The following MGLL variants were observed in gnomAD, a reference collection of about 807,000 sequenced individuals.
The protein encoded by MGLL is monoglyceride lipase.
A neutral mutation model predicts 29.1 loss-of-function variants in MGLL; 7 were observed. The observed-to-expected ratio is 0.24, with a 90% CI of 0.14 to 0.45. The LOEUF (loss-of-function observed/expected upper bound fraction) is 0.45, where lower values mean the gene tolerates loss of function less well. Among genes scored for constraint, MGLL ranks in the 20% least tolerant of loss-of-function variants. The probability of loss-of-function intolerance (pLI) is 0.99; values close to 1 mark genes in which losing one functional copy is unlikely to be tolerated. For missense variants in MGLL, 356 were observed against 413.6 expected (o/e 0.86, Z 1.21); for synonymous variants, 148 against 168.3 (o/e 0.88, Z 0.93).
At chr3:127,811,020 G>C (rs1415926635) in intron 2 of MGLL, among the ~76,000 whole-genome samples, 1 of 149,192 alleles carries the variant, frequency 6.7e-6, no homozygotes, top group Non-Finnish European at 1.5e-5. Flanking sequence ...AACCTGCAGG[G>C]AATATTCTTC....
chr3:127,759,625 G>A (rs1204560814), intron 3 of MGLL, among the ~76,000 whole-genome samples: 1 of 152,200 alleles, frequency 6.6e-6, no homozygotes, highest in Non-Finnish European at 1.5e-5. Flanking sequence ...ATTCACAGAA[G>A]CAGTGCCACT....
At chr3:127,802,337 G>A (rs533328527) in intron 2 of MGLL, among the ~76,000 whole-genome samples, 90 of 152,230 alleles carry the variant, frequency 5.9e-4, no homozygotes, top group African/African-American at 1.9e-3. Context: ...CCACCGAGGC[G>A]GTCAGCAGCC....
intron 3 of MGLL, among the ~76,000 whole-genome samples, chr3:127,779,083 G>A (rs1216478708): frequency 1.4e-5 from 2 of 141,380 alleles, no homozygotes; most frequent in Non-Finnish European, 3.2e-5. Context: ...AAGCTATGTT[G>A]GACTGGGTGC....
chr3:127,764,610 C>T lies in MGLL; in HGVS notation c.262+17179G>A, dbSNP rs148387953. On this transcript the variant is annotated intron_variant, in intron 3 of 7. Transcript: ENST00000265052. ...GAGGTTCAAGGCAACGTCTGAAAAG[C>T]TTTGCATCGATAATCAGGCATATGA... Among the ~76,000 whole-genome samples, 419 of 152,266 alleles carry T rather than the reference C, an allele frequency of 2.8e-3. 3 individuals carry two copies. The highest frequency in any genetic ancestry group is 9.4e-3 in the African/African-American group (391 of 41,548).
chr3:127,793,813 T>C (rs2077340348), intron 2 of MGLL, among the ~76,000 whole-genome samples: 1 of 152,126 alleles, frequency 6.6e-6, no homozygotes, highest in Non-Finnish European at 1.5e-5. Context: ...CCACCTGCCT[T>C]GGCCTCCCAA....
At chr3:127,714,828 G>A (rs1206642010) in intron 5 of MGLL, among the ~76,000 whole-genome samples, 1 of 152,202 alleles carries the variant, frequency 6.6e-6, no homozygotes, top group Non-Finnish European at 1.5e-5. Context: ...CTAGAGTCCT[G>A]GGATTCCCTT....
At chr3:127,739,561 C>T (rs1422170478) in intron 3 of MGLL, among the ~76,000 whole-genome samples, 2 of 152,204 alleles carry the variant, frequency 1.3e-5, no homozygotes, top group Admixed American at 1.3e-4. Flanking sequence ...ATGACGCCTA[C>T]GTAGCTCACC....
chr3:127,785,375 C>T (rs1559968926), intron 2 of MGLL, among the ~76,000 whole-genome samples: 2 of 152,236 alleles, frequency 1.3e-5, no homozygotes, highest in South Asian at 2.1e-4. Context: ...AGGGACAGAC[C>T]CCAGCTCCAG....
In MGLL at chr3:127,789,955, T is replaced by C. The variant is rs184404795; in HGVS notation, c.156-8060A>G. ...AATGCTGCCACCCACCTCCAAGCTA[T>C]GTATTTTTTTATTATCATAAAACAC... On this transcript the variant is annotated intron_variant, in intron 2 of 7. Coordinates refer to ENST00000265052, the MANE Select transcript of MGLL (RefSeq NM_007283.7). 2.2e-4 allele frequency among the ~76,000 whole-genome samples: 34 copies of C among 152,354 alleles called. 1 individual carries two copies. The highest frequency in any genetic ancestry group is 6.3e-4 in the African/African-American group (26 of 41,586).
intron 6 of MGLL, among the ~76,000 whole-genome samples, chr3:127,702,984 C>T (rs2075526328): frequency 2.0e-5 from 3 of 152,162 alleles, no homozygotes; most frequent in Admixed American, 6.5e-5. Flanking sequence ...CATGAGCCAC[C>T]GCGTCCATCC....
intron 3 of MGLL, among the ~76,000 whole-genome samples, chr3:127,728,583 G>A (rs184025092): frequency 5.9e-5 from 9 of 152,292 alleles, no homozygotes; most frequent in Non-Finnish European, 8.8e-5. Flanking sequence ...TGCGTAGTAC[G>A]CCCTGTGGGG....
At chr3:127,696,229 T>C (rs2107582396) in intron 6 of MGLL, among the ~76,000 whole-genome samples, 1 of 152,218 alleles carries the variant, frequency 6.6e-6, no homozygotes, top group African/African-American at 2.4e-5. Context: ...TCCCCTGTCC[T>C]TGCTCTCCCT....
chr3:127,774,007 C>A (rs1256741988), intron 3 of MGLL, among the ~76,000 whole-genome samples: 1 of 152,204 alleles, frequency 6.6e-6, no homozygotes, highest in Non-Finnish European at 1.5e-5. Flanking sequence ...AGCCTCAGGT[C>A]GTTCAGAAAT....
In MGLL at chr3:127,815,837, C is replaced by T. The variant is rs994982430; in HGVS notation, c.155+5857G>A. ...CTGGCTGCATCATATTATAATTATC[C>T]GTGTGTTGGTCCATCCCACCCCTTC... On this transcript the variant is annotated intron_variant, in intron 2 of 7. Transcript: ENST00000265052. Among the ~76,000 whole-genome samples, 3 of 152,188 alleles carry T rather than the reference C, an allele frequency of 2.0e-5. No individual in the cohort carries two copies. The East Asian group carries it at 5.8e-4, about 29-fold the overall frequency.
chr3:127,821,683 G>A lies in MGLL; in HGVS notation c.155+11C>T, dbSNP rs144900923. On this transcript the variant is annotated intron_variant, in intron 2 of 7. Coordinates refer to ENST00000265052, the MANE Select transcript of MGLL (RefSeq NM_007283.7). ...CCTGTCACCTGGGGTGACTTTCTGGGGAAGACTTACTTGGGTGTGCCTGTG... is the reference window on the plus strand; with the variant it reads ...CCTGTCACCTGGGGTGACTTTCTGGAGAAGACTTACTTGGGTGTGCCTGTG... 6.2e-7 allele frequency: 1 copy of A among 1,614,004 alleles called. No individual in the cohort carries two copies. Among genetic ancestry groups the A allele is most frequent in the Non-Finnish European group, 8.5e-7 (1 of 1,179,904 alleles).
intron 3 of MGLL, among the ~76,000 whole-genome samples, chr3:127,741,526 G>A (rs562678163): frequency 3.9e-5 from 6 of 152,366 alleles, no homozygotes; most frequent in African/African-American, 1.2e-4. Flanking sequence ...ACCACGATGC[G>A]TGTGTTACAC....
intron 3 of MGLL, among the ~76,000 whole-genome samples, chr3:127,737,094 T>C (rs961786763): frequency 6.6e-6 from 1 of 152,140 alleles, no homozygotes; most frequent in Admixed American, 6.5e-5. Context: ...ATCCTGGAGG[T>C]GGCCAGTAAT....
At position 127,788,964 on chromosome 3, in the gene MGLL, G is replaced by A. The variant is rs372135946; in HGVS notation, c.156-7069C>T. 7.9e-5 allele frequency among the ~76,000 whole-genome samples: 12 copies of A among 152,262 alleles called. No individual in the cohort carries two copies. The South Asian group carries it at 1.9e-3, about 24-fold the overall frequency. ...TCCCGGAGGCCTACAGACCACTCCC[G>A]CAGTGCCCAGTAGTTTTGAAAGCAC... On this transcript the variant is annotated intron_variant, in intron 2 of 7. Coordinates refer to ENST00000265052, the MANE Select transcript of MGLL (RefSeq NM_007283.7).
rs1326552447 is a variant in MGLL, at chr3:127,789,752, A to G, written c.156-7857T>C. 2.0e-5 allele frequency among the ~76,000 whole-genome samples: 3 copies of G among 152,100 alleles called. 1 individual carries two copies. In the East Asian group the frequency reaches 5.8e-4, roughly 29 times the overall value. ...AAGGAAAGGAAAGAAGGAAAGAAAG[A>G]AAGAAAAGAAAGAAAGAGGCAGACC... On this transcript the variant is annotated intron_variant, in intron 2 of 7. Transcript: ENST00000265052.
Sources: allele counts gnomAD v4.1 joint callset (sites outside exome capture counted in the v4.1 genomes callset), GRCh38; gene constraint gnomAD v4.1.1; transcripts MANE v1.5; gene names NCBI Gene and HGNC (gene_info 2026-07-23, HGNC 2026-07-21).